The following STX7 variants were observed in gnomAD, a reference collection of about 807,000 sequenced individuals.
The protein encoded by STX7 is syntaxin-7.
STX7 carries 34 observed loss-of-function variants against 39.6 expected under a neutral mutation model. That is an observed-to-expected ratio of 0.86 (90% CI 0.65 to 1.14). The LOEUF is 1.14. STX7 is among the 50% of genes most tolerant of loss of function. The pLI, the probability that STX7 is intolerant of heterozygous loss-of-function variation, is 0.00. For missense variants in STX7, 284 were observed against 310.4 expected, an observed-to-expected ratio of 0.92 and a Z score of 0.64; for synonymous variants, 119 against 99.1, an observed-to-expected ratio of 1.20 and a Z score of -1.19.
In STX7 at chr6:132,464,055, C is replaced by G. The variant is rs769921819; in HGVS notation, c.631G>C (p.Glu211Gln). 6.2e-7 allele frequency: 1 copy of G among 1,614,034 alleles called. No individual in the cohort carries two copies. The highest frequency in any genetic ancestry group is 1.1e-5 in the South Asian group (1 of 91,072). Residue 211 changes from glutamate (E) to glutamine (Q), a missense_variant, in exon 9 of 10, where the codon GAA becomes CAA. By Grantham distance (29) the Glu-to-Gln change is conservative. Coordinates refer to ENST00000367941, the MANE Select transcript of STX7 (RefSeq NM_003569.3). Reference protein sequence around the residue: ...DVIDSIEANVENAEVHVQQAN... With the variant: ...DVIDSIEANVQNAEVHVQQAN... ...TGCTGAACGTGCACCTCTGCATTTT[C>G]CACATTGGCTTCTATGCTATCTGTA...
rs763486294 is a variant in STX7 at position 132,471,510 on chromosome 6, G to C, written c.340C>G (p.Arg114Gly). 1.2e-5 allele frequency: 20 copies of C among 1,613,696 alleles called. No homozygotes were observed. Among genetic ancestry groups the C allele is most frequent in the Non-Finnish European group, 1.7e-5 (20 of 1,179,882 alleles). ...ACTCGAGCAACAAACTCTTTCTCTC[G>C]CTCAGCAGCCTGCCTCTGGACCTTC... is the stretch of plus-strand genomic sequence containing the variant. ...FQKVQRQAAE[R>G]EKEFVARVRA... The change falls in exon 5 of 10, where the codon CGA becomes GGA. Residue 114 changes from arginine to glycine, a missense_variant. Coordinates refer to ENST00000367941, the MANE Select transcript of STX7 (RefSeq NM_003569.3).
chr6:132,464,171 G>A, intron 8 of STX7, 96 bp from the exon 9 acceptor site: 1 of 1,224,630 alleles, frequency 8.2e-7, no homozygotes, highest in Non-Finnish European at 1.2e-6. Context: ...ATTAAATATG[G>A]TCATTATTCA....
chr6:132,470,772 G>A (rs540898171), intron 5 of STX7, 146 bp from the exon 6 acceptor site: 12 of 412,696 alleles, frequency 2.9e-5, no homozygotes, highest in Non-Finnish European at 5.2e-5. Flanking sequence ...TAGAGACAGA[G>A]AGAAAGAAGT....
In STX7 at chr6:132,463,981, C is replaced by G; in HGVS notation, c.693+12G>C. On this transcript the variant is annotated intron_variant, in intron 9 of 9. Coordinates refer to ENST00000367941, the MANE Select transcript of STX7 (RefSeq NM_003569.3). ...GGATAAGTTATAAGAAAATTGATCA[C>G]AGTTAAATTACCTGATAATCTGCTG... 6.2e-7 allele frequency: 1 copy of G among 1,613,548 alleles called. No individual in the cohort carries two copies. Among genetic ancestry groups the G allele is most frequent in the South Asian group, 1.1e-5 (1 of 91,066 alleles).
Position 132,460,860 on chromosome 6 carries a change from C to CAAAA in STX7, c.694-14_694-11dup. On this transcript the variant is annotated splice_polypyrimidine_tract_variant and intron_variant, in intron 9 of 9. Coordinates refer to ENST00000367941, the MANE Select transcript of STX7 (RefSeq NM_003569.3). The stretch of plus-strand genomic sequence containing the variant: ...TTTTTCTGGATTTGCGCTGCAGACG[C>CAAAA]AAAAAACAAAACAAAACAAAAAAAC... 1 of 1,605,920 alleles carries CAAAA rather than the reference C, an allele frequency of 6.2e-7. No homozygotes were observed. The highest frequency in any genetic ancestry group is 8.5e-7 in the Non-Finnish European group (1 of 1,176,836).
chr6:132,504,760 T>C (rs1775656337), intron 1 of STX7, among the ~76,000 whole-genome samples: 1 of 152,176 alleles, frequency 6.6e-6, no homozygotes, highest in Admixed American at 6.5e-5. Context: ...AAAGATCACG[T>C]GCTAGGCTAA....
intron 1 of STX7, among the ~76,000 whole-genome samples, chr6:132,509,449 C>CT (rs1562343405): frequency 2.5e-3 from 80 of 32,050 alleles, no homozygotes; most frequent in Non-Finnish European, 3.9e-3. Context: ...AGACTCGTCT[C>CT]AAAATAACAT....
intron 8 of STX7, 107 bp downstream of exon 8, chr6:132,468,296 A>C: frequency 2.4e-6 from 2 of 844,360 alleles, no homozygotes; most frequent in South Asian, 2.9e-5. Context: ...GGTTCCAGGG[A>C]AACCAAAAAA....
rs1288875811 is a variant in STX7, at chr6:132,455,778, T to C, written c.*4980A>G. ...CATAATATTCATGTTAACCAAATGA[T>C]TACAAAAACAAAGAATTAAAATTGG... On this transcript the variant is annotated 3_prime_UTR_variant, in exon 10 of 10. Transcript: ENST00000367941. 6.6e-6 allele frequency: 1 copy of C among 152,202 alleles called. No individual in the cohort carries two copies. The highest frequency in any genetic ancestry group is 1.5e-5 in the Non-Finnish European group (1 of 68,032). The allele number at this position is 152,202 out of a possible 1,614,324, so 9.4% of individuals were successfully genotyped here.
chr6:132,507,212 A>T (rs922242897), intron 1 of STX7, among the ~76,000 whole-genome samples: 1 of 152,210 alleles, frequency 6.6e-6, no homozygotes, highest in African/African-American at 2.4e-5. Flanking sequence ...TCAGGTGATG[A>T]TTACACTAAA....
rs368980068 is a variant in STX7, at chr6:132,491,273, GAA to G, written c.85+12171_85+12172del. 1.6e-3 allele frequency among the ~76,000 whole-genome samples: 205 copies of G among 131,786 alleles called. 2 individuals are homozygous for G. The highest frequency in any genetic ancestry group is 5.3e-3 in the African/African-American group (193 of 36,462). 86.5% of individuals were successfully genotyped at this position (131,786 alleles called of 152,430 possible). A position where few individuals can be genotyped will look rare whatever the true frequency, so the allele number is the denominator to read the frequency against. ...CCCCAAAATACCCACAGGATTAAAA[GAA>G]AAAAAAAAAACTCAATGAAGTAATC... On this transcript the variant is annotated intron_variant, in intron 2 of 9. Coordinates refer to ENST00000367941, the MANE Select transcript of STX7 (RefSeq NM_003569.3).
At position 132,454,117 on chromosome 6, in the gene STX7, C is replaced by T. The variant is rs757417280; in HGVS notation, c.*6641G>A. 6.6e-6 allele frequency: 1 copy of T among 151,208 alleles called. No individual in the cohort carries two copies. The highest frequency in any genetic ancestry group is 1.5e-5 in the Non-Finnish European group (1 of 67,916). The allele number at this position is 151,208 out of a possible 1,614,324, so 9.4% of individuals were successfully genotyped here. On this transcript the variant is annotated 3_prime_UTR_variant, in exon 10 of 10. Transcript: ENST00000367941. Reference sequence around the variant, plus strand: ...AAAGTACCTGTCAATAGACTTGATACACATAATAAGCTGGATTAACCTCCA... The same window carrying T: ...AAAGTACCTGTCAATAGACTTGATATACATAATAAGCTGGATTAACCTCCA...
chr6:132,504,561 T>G (rs541540127), intron 1 of STX7, among the ~76,000 whole-genome samples: 1 of 152,340 alleles, frequency 6.6e-6, no homozygotes, highest in Non-Finnish European at 1.5e-5. Flanking sequence ...ACTGCAAAAT[T>G]GTTGGTGGTC....
At chr6:132,495,001 T>G (rs1364378341) in intron 2 of STX7, among the ~76,000 whole-genome samples, 2 of 152,112 alleles carry the variant, frequency 1.3e-5, no homozygotes, top group African/African-American at 4.8e-5. Flanking sequence ...GTAGAACCAC[T>G]AAGATTTACA....
At chr6:132,512,596 T>C (rs1260010058) in intron 1 of STX7, among the ~76,000 whole-genome samples, 1 of 152,208 alleles carries the variant, frequency 6.6e-6, no homozygotes, top group African/African-American at 2.4e-5. Context: ...TGTTTTTCAA[T>C]CCGTGAGTTG....
At chr6:132,465,397 C>A (rs1295377595) in intron 8 of STX7, among the ~76,000 whole-genome samples, 1 of 152,166 alleles carries the variant, frequency 6.6e-6, no homozygotes, top group East Asian at 1.9e-4. Flanking sequence ...GTCCTCACTT[C>A]CCTCCTTACC....
rs188374742 is a variant in STX7 at position 132,485,855 on chromosome 6, G to A, written c.86-10193C>T. Among the ~76,000 whole-genome samples, 6 of 152,198 alleles carry A rather than the reference G, an allele frequency of 3.9e-5. No homozygotes were observed. The East Asian group carries it at 1.2e-3, about 29-fold the overall frequency. Reference sequence around the variant, plus strand: ...ATATTGTCTTCTGATCCATGATCAAGGTATATCTTCCCAATTATATAAGCT... The same window carrying A: ...ATATTGTCTTCTGATCCATGATCAAAGTATATCTTCCCAATTATATAAGCT... On this transcript the variant is annotated intron_variant, in intron 2 of 9. Transcript: ENST00000367941.
rs1474108459 is a variant in STX7 at position 132,451,467 on chromosome 6, A to G, written c.*9291T>C. 6.6e-6 allele frequency: 1 copy of G among 152,198 alleles called. No individual in the cohort carries two copies. The highest frequency in any genetic ancestry group is 2.4e-5 in the African/African-American group (1 of 41,452). The allele number at this position is 152,198 out of a possible 1,614,324, so 9.4% of individuals were successfully genotyped here. A position where few individuals can be genotyped will look rare whatever the true frequency, so the allele number is the denominator to read the frequency against. ...ACCTACAAGTCTATGTCTAATGTAAATATTCTTCAGATATCAAGGGAAAAT... is the reference window on the plus strand; with the variant it reads ...ACCTACAAGTCTATGTCTAATGTAAGTATTCTTCAGATATCAAGGGAAAAT... On this transcript the variant is annotated 3_prime_UTR_variant, in exon 10 of 10. Coordinates refer to ENST00000367941, the MANE Select transcript of STX7 (RefSeq NM_003569.3).
At position 132,450,200 on chromosome 6, in the gene STX7, T is replaced by C. The variant is rs1300358046; in HGVS notation, c.*10558A>G. The C allele has an allele frequency of 6.6e-6, 1 of 152,214 alleles. No individual in the cohort carries two copies. Among genetic ancestry groups the C allele is most frequent in the Non-Finnish European group, 1.5e-5 (1 of 68,030 alleles). The allele number at this position is 152,214 out of a possible 1,614,324, so 9.4% of individuals were successfully genotyped here. A position where few individuals can be genotyped will look rare whatever the true frequency, so the allele number is the denominator to read the frequency against. On this transcript the variant is annotated 3_prime_UTR_variant, in exon 10 of 10. Transcript: ENST00000367941. ...AACTAATATTATGTGTGTTGTATTT[T>C]ATCCAAGAACTAACTGTATTTTAGC... is the stretch of plus-strand genomic sequence containing the variant.
Sources: allele counts gnomAD v4.1 joint callset (sites outside exome capture counted in the v4.1 genomes callset), GRCh38; gene constraint gnomAD v4.1.1; transcripts MANE v1.5; gene names NCBI Gene and HGNC (gene_info 2026-07-23, HGNC 2026-07-21).